Variants in RNF212B observed in about 807,000 individuals in gnomAD.
RNF212B encodes the protein E3 ubiquitin-protein ligase RNF212B.
A neutral mutation model predicts 55.5 loss-of-function variants in RNF212B; 52 were observed. That is an observed-to-expected ratio of 0.94 (90% CI 0.75 to 1.18). RNF212B has a LOEUF of 1.18. RNF212B is among the 50% of genes most tolerant of loss of function. The probability of loss-of-function intolerance (pLI) is 0.00; values close to 1 mark genes in which losing one functional copy is unlikely to be tolerated. For synonymous variants in RNF212B, 99 were observed against 121.4 expected (o/e 0.82, Z 1.21); for missense variants, 289 against 350.4 (o/e 0.82, Z 1.40).
intron 5 of RNF212B, among the ~76,000 whole-genome samples, chr14:23,259,054 T>C (rs1216604032): frequency 6.6e-6 from 1 of 151,706 alleles, no homozygotes; most frequent in Non-Finnish European, 1.5e-5. Context: ...TAGCCAGACA[T>C]GGTGGTTCAC....
chr14:23,188,460 G>GTTTTTTTTTTTT lies in RNF212B; in HGVS notation c.-79+2976_-79+2987dup, dbSNP rs60659225. The GTTTTTTTTTTTT allele has an allele frequency of 1.5e-5, 2 of 136,502 alleles. 1 individual carries two copies. 8.5% of individuals were successfully genotyped at this position (136,502 alleles called of 1,614,324 possible). On this transcript the variant is annotated intron_variant, in intron 1 of 15. Coordinates refer to the RNF212B transcript ENST00000399910. ...TTCATTATGTTTGACAAAGATTAGG[G>GTTTTTTTTTTTT]TTTTTTTTTTTTTTTTTAGAGATAG... is the stretch of plus-strand genomic sequence containing the variant.
At chr14:23,251,537 C>T (rs1218404788) in intron 4 of RNF212B, among the ~76,000 whole-genome samples, 4 of 152,188 alleles carry the variant, frequency 2.6e-5, no homozygotes, top group African/African-American at 4.8e-5. Flanking sequence ...ACATAGGGGC[C>T]AGGTGCAGTG....
chr14:23,245,075 C>T lies in RNF212B; in HGVS notation c.228+679C>T, dbSNP rs575468974. Among the ~76,000 whole-genome samples, 18 of 152,244 alleles carry T rather than the reference C, an allele frequency of 1.2e-4. No individual in the cohort carries two copies. In the South Asian group the frequency reaches 1.9e-3, roughly 16 times the overall value. On this transcript the variant is annotated intron_variant, in intron 4 of 14. Coordinates refer to ENST00000430154, the MANE Select transcript of RNF212B (RefSeq NM_001282322.3). Reference sequence around the variant, plus strand: ...CATTTCTCTTAGATTATTCTATAGCCTCATGGAATTCCTATCTTGGCATAT... The same window carrying T: ...CATTTCTCTTAGATTATTCTATAGCTTCATGGAATTCCTATCTTGGCATAT...
intron 2 of RNF212B, among the ~76,000 whole-genome samples, chr14:23,208,935 T>A (rs921272466): frequency 4.0e-5 from 6 of 151,420 alleles, no homozygotes; most frequent in Non-Finnish European, 8.8e-5. Flanking sequence ...ATTTTTTGTA[T>A]TTTTAGTAGA....
chr14:23,260,348 G>C (rs1395622167), intron 6 of RNF212B, among the ~76,000 whole-genome samples: 1 of 152,058 alleles, frequency 6.6e-6, no homozygotes, highest in African/African-American at 2.4e-5. Flanking sequence ...TTTTCCTATT[G>C]ATCCTACTCC....
At chr14:23,192,672 A>G (rs1183499408) in intron 1 of RNF212B, among the ~76,000 whole-genome samples, 4 of 152,186 alleles carry the variant, frequency 2.6e-5, no homozygotes, top group Non-Finnish European at 4.4e-5. Context: ...GTACCCTAGA[A>G]CTTAAAGTAT....
chr14:23,206,975 C>T (rs1004767301), intron 2 of RNF212B, among the ~76,000 whole-genome samples: 1 of 150,752 alleles, frequency 6.6e-6, no homozygotes, highest in African/African-American at 2.4e-5. Context: ...ACATGAAGGC[C>T]TTTCAAATAC....
At chr14:23,266,414 T>C (rs1488262441) in intron 11 of RNF212B, among the ~76,000 whole-genome samples, 1 of 141,834 alleles carries the variant, frequency 7.1e-6, no homozygotes, top group South Asian at 2.2e-4. Context: ...GTTTTTTTTT[T>C]TTTTTTTTTT....
intron 4 of RNF212B, among the ~76,000 whole-genome samples, chr14:23,254,151 G>A (rs1223306120): frequency 1.3e-5 from 2 of 151,784 alleles, no homozygotes; most frequent in African/African-American, 4.8e-5. Flanking sequence ...GGGGTATGGT[G>A]GCATGCACCT....
At chr14:23,252,642 G>T (rs1409897514) in intron 4 of RNF212B, among the ~76,000 whole-genome samples, 1 of 152,166 alleles carries the variant, frequency 6.6e-6, no homozygotes, top group Non-Finnish European at 1.5e-5. Context: ...AGTAAGCCAA[G>T]GTGTGGGGAT....
chr14:23,224,114 T>A (rs1881802007), intron 2 of RNF212B, among the ~76,000 whole-genome samples: 1 of 152,090 alleles, frequency 6.6e-6, no homozygotes, highest in Non-Finnish European at 1.5e-5. Flanking sequence ...GGAAAGATAT[T>A]TCATGTTCAC....
At chr14:23,262,852 T>C (rs1478385945) in intron 8 of RNF212B, 76 bp from the exon 9 acceptor site, 3 of 1,469,838 alleles carry the variant, frequency 2.0e-6, no homozygotes, top group South Asian at 1.2e-5. Flanking sequence ...CAGATAACCA[T>C]GTACAACAAA....
chr14:23,203,433 C>T (rs1049459162), intron 2 of RNF212B, among the ~76,000 whole-genome samples: 1 of 134,210 alleles, frequency 7.5e-6, no homozygotes, highest in African/African-American at 2.6e-5. Context: ...TGGGTCTATA[C>T]CCAGTAGTGG....
At chr14:23,228,090 C>T (rs1286639382) in intron 2 of RNF212B, among the ~76,000 whole-genome samples, 2 of 151,630 alleles carry the variant, frequency 1.3e-5, no homozygotes, top group East Asian at 2.0e-4. Flanking sequence ...ATTAGCCAGG[C>T]GTGGTGGCAC....
chr14:23,217,533 C>T (rs759469709), intron 2 of RNF212B, among the ~76,000 whole-genome samples: 3 of 152,072 alleles, frequency 2.0e-5, no homozygotes, highest in South Asian at 4.1e-4. Context: ...GTGCTTGCAT[C>T]GCCACACCCA....
chr14:23,189,201 A>G (rs1048894089), intron 1 of RNF212B, among the ~76,000 whole-genome samples: 2 of 152,174 alleles, frequency 1.3e-5, no homozygotes, highest in African/African-American at 2.4e-5. Flanking sequence ...TCTAGTTGAC[A>G]TCTTTGACTA....
chr14:23,265,333 G>C (rs914349017), intron 11 of RNF212B, among the ~76,000 whole-genome samples: 1 of 152,056 alleles, frequency 6.6e-6, no homozygotes, highest in Non-Finnish European at 1.5e-5. Context: ...TGGCCTGAAG[G>C]GTATCTGGCT....
chr14:23,186,604 T>G (rs1381468844), intron 1 of RNF212B, among the ~76,000 whole-genome samples: 2 of 152,202 alleles, frequency 1.3e-5, no homozygotes, highest in African/African-American at 4.8e-5. Flanking sequence ...CGCCTCGGCC[T>G]CCCAAAGTGC....
At chr14:23,200,779 C>T (rs1275015945) in intron 2 of RNF212B, among the ~76,000 whole-genome samples, 6 of 152,278 alleles carry the variant, frequency 3.9e-5, no homozygotes, top group Middle Eastern at 3.4e-3. Flanking sequence ...TTATTGGCTT[C>T]TTAAGTCAAG....
Sources: gnomAD v4.1 joint callset for allele counts (sites outside exome capture counted in the v4.1 genomes callset) on GRCh38, gnomAD v4.1.1 for gene constraint, MANE v1.5 for transcripts, NCBI Gene and HGNC (gene_info 2026-07-23, HGNC 2026-07-21) for gene names.